Variants in FXN observed in about 807,000 individuals in gnomAD.
FXN encodes frataxin, mitochondrial.
In FXN, 14 loss-of-function variants were observed where a neutral mutation model predicts 22.4. The observed-to-expected ratio is 0.62, with a 90% confidence interval of 0.41 to 0.98. FXN has a LOEUF of 0.98. Ranked by LOEUF, FXN falls within the 50% of genes least tolerant of loss-of-function variation. The pLI, the probability that FXN is intolerant of heterozygous loss-of-function variation, is 0.00. For missense variants in FXN, 267 were observed against 268.4 expected, an observed-to-expected ratio of 0.99 and a Z score of 0.04; for synonymous variants, 120 against 114.1, an observed-to-expected ratio of 1.05 and a Z score of -0.33.
In FXN at chr9:69,073,244, T is replaced by G. The variant is rs7866878; in HGVS notation, c.*482T>G. 227 of 1,032,228 alleles carry G rather than the reference T, an allele frequency of 2.2e-4. No individual in the cohort carries two copies. The highest frequency in any genetic ancestry group is 2.6e-4 in the Non-Finnish European group (221 of 858,662). 63.9% of individuals were successfully genotyped at this position (1,032,228 alleles called of 1,614,324 possible). ...AAATGTTTTCAGGCTTCTTTCAAAG[T>G]GTAAGCACTTCTGAGCTCTTTAGCA... On this transcript the variant is annotated 3_prime_UTR_variant, in exon 5 of 5. Coordinates refer to ENST00000484259, the MANE Select transcript of FXN (RefSeq NM_000144.5).
chr9:69,068,720 C>T (rs1399701323), intron 4 of FXN, among the ~76,000 whole-genome samples: 1 of 152,194 alleles, frequency 6.6e-6, no homozygotes, highest in Admixed American at 6.5e-5. Context: ...AGGTGAGATC[C>T]ACAGAAAGGC....
chr9:69,069,773 G>A (rs771989365), intron 4 of FXN, among the ~76,000 whole-genome samples: 2 of 152,212 alleles, frequency 1.3e-5, no homozygotes, highest in Non-Finnish European at 2.9e-5. Flanking sequence ...AGGCCATAGC[G>A]GGAGTCCACG....
Position 69,046,487 on chromosome 9 carries a change from G to T in FXN, c.263+5G>T, listed in dbSNP as rs1432005501. The T allele has an allele frequency of 6.3e-7, 1 of 1,596,712 alleles. No homozygotes were observed. Among genetic ancestry groups the T allele is most frequent in the Non-Finnish European group, 8.6e-7 (1 of 1,164,512 alleles). On this transcript the variant is annotated splice_donor_5th_base_variant and intron_variant, in intron 2 of 4. Coordinates refer to ENST00000484259, the MANE Select transcript of FXN (RefSeq NM_000144.5). The stretch of plus-strand genomic sequence containing the variant: ...TGGAACTTTGGGCCACCCAGGGTAA[G>T]ATAAAACACCTTCCACGTCATAGGT...
chr9:69,073,564 A>G lies in FXN; in HGVS notation c.*802A>G. 1 of 985,426 alleles carries G rather than the reference A, an allele frequency of 1.0e-6. No homozygotes were observed. Among genetic ancestry groups the G allele is most frequent in the African/African-American group, 1.7e-5 (1 of 57,358 alleles). 61.0% of individuals were successfully genotyped at this position (985,426 alleles called of 1,614,324 possible). A position where few individuals can be genotyped will look rare whatever the true frequency, so the allele number is the denominator to read the frequency against. The stretch of plus-strand genomic sequence containing the variant: ...TCATGGAGCTGAGGAGGTGCCTTGT[A>G]AACATGAAGGGGCAGATAAAGGAAG... On this transcript the variant is annotated 3_prime_UTR_variant, in exon 5 of 5. Transcript: ENST00000484259.
rs4744806 is a variant in FXN at position 69,073,302 on chromosome 9, T to C, written c.*540T>C. ...GTCGAAAGCAACTCACACGGGAAGA[T>C]CATTTCTTATTTGTGCTCTGTGACT... On this transcript the variant is annotated 3_prime_UTR_variant, in exon 5 of 5. Coordinates refer to ENST00000484259, the MANE Select transcript of FXN (RefSeq NM_000144.5). 471,940 of 998,734 alleles carry C rather than the reference T, an allele frequency of 0.47. 112,766 individuals carry two copies. The highest frequency in any genetic ancestry group is 0.65 in the East Asian group (6,192 of 9,554). The allele number at this position is 998,734 out of a possible 1,614,324, so 61.9% of individuals were successfully genotyped here. A position where few individuals can be genotyped will look rare whatever the true frequency, so the allele number is the denominator to read the frequency against.
At position 69,046,411 on chromosome 9, in the gene FXN, G is replaced by A. The variant is rs1257314753; in HGVS notation, c.192G>A (p.Gln64=). The change falls in exon 2 of 5, where the codon CAG becomes CAA. Residue 64 remains glutamine (Q), a synonymous_variant. Transcript: ENST00000484259. ...RASSNQRGLN[Q]IWNVKKQSVY... is the part of the protein sequence containing the mutation. ...GTTCGAACCAACGTGGCCTCAACCA[G>A]ATTTGGAATGTCAAAAAGCAGAGTG... The A allele has an allele frequency of 6.8e-6, 11 of 1,614,026 alleles. No individual in the cohort carries two copies. In the African/African-American group the frequency reaches 1.3e-4, roughly 20 times the overall value.
At position 69,074,949 on chromosome 9, in the gene FXN, A is replaced by G; in HGVS notation, c.*2187A>G. The G allele has an allele frequency of 4.1e-6, 4 of 985,474 alleles. No individual in the cohort carries two copies. Among genetic ancestry groups the G allele is most frequent in the Non-Finnish European group, 4.8e-6 (4 of 829,944 alleles). 61.0% of individuals were successfully genotyped at this position (985,474 alleles called of 1,614,324 possible). ...AAGTTTCAGTGCACCCCACTTACTT[A>G]GAACTCGGTGACATGATGTACTCCT... On this transcript the variant is annotated 3_prime_UTR_variant, in exon 5 of 5. Transcript: ENST00000484259.
intron 1 of FXN, among the ~76,000 whole-genome samples, chr9:69,039,638 G>A (rs1461909065): frequency 1.3e-5 from 2 of 152,152 alleles, no homozygotes; most frequent in African/African-American, 2.4e-5. Context: ...ACAGCTTCGA[G>A]GAGGAGATAA....
In FXN at chr9:69,075,871, A is replaced by T; in HGVS notation, c.*3109A>T. On this transcript the variant is annotated 3_prime_UTR_variant, in exon 5 of 5. Transcript: ENST00000484259. ...AGGTGTGCACCTCCATAGCTGGCTA[A>T]TTTGTGTATTTTTTGTAGAGATGGG... 1.8e-6 allele frequency: 1 copy of T among 556,852 alleles called. No individual in the cohort carries two copies. Among genetic ancestry groups the T allele is most frequent in the Non-Finnish European group, 2.3e-6 (1 of 439,298 alleles). The allele number at this position is 556,852 out of a possible 1,614,324, so 34.5% of individuals were successfully genotyped here.
rs2133145532 is a variant in FXN at position 69,076,480 on chromosome 9, C to A, written c.*3718C>A. The A allele has an allele frequency of 1.0e-6, 1 of 985,330 alleles. No individual in the cohort carries two copies. The highest frequency in any genetic ancestry group is 4.7e-5 in the South Asian group (1 of 21,280). The allele number at this position is 985,330 out of a possible 1,614,324, so 61.0% of individuals were successfully genotyped here. ...TTCCCTGGAACCATTTATCGTGTGCCTTACCATGCTTATATTTTACTTGAT... is the reference window on the plus strand; with the variant it reads ...TTCCCTGGAACCATTTATCGTGTGCATTACCATGCTTATATTTTACTTGAT... On this transcript the variant is annotated 3_prime_UTR_variant, in exon 5 of 5. Coordinates refer to ENST00000484259, the MANE Select transcript of FXN (RefSeq NM_000144.5).
rs367974156 is a variant in FXN, at chr9:69,053,268, T to C, written c.384+8T>C. 3.2e-5 allele frequency: 51 copies of C among 1,613,168 alleles called. No individual in the cohort carries two copies. Among genetic ancestry groups the C allele is most frequent in the Middle Eastern group, 3.3e-4 (2 of 6,066 alleles). On this transcript the variant is annotated splice_region_variant and intron_variant, in intron 3 of 4. Transcript: ENST00000484259. ...TATGATGTCTCCTTTGGGGTACCTC[T>C]TGACTTCTTTTATTTTTCTGTTTCC...
chr9:69,065,540 CAAAA>C (rs34769489), intron 4 of FXN, among the ~76,000 whole-genome samples: 1 of 140,752 alleles, frequency 7.1e-6, no homozygotes, highest in African/African-American at 2.7e-5. Flanking sequence ...GACCCTGTCC[CAAAA>C]AAAAAAAAAA....
At chr9:69,049,675 A>G (rs1433386351) in intron 2 of FXN, among the ~76,000 whole-genome samples, 3 of 152,300 alleles carry the variant, frequency 2.0e-5, no homozygotes, top group South Asian at 2.1e-4. Context: ...AAAACTAACC[A>G]TTTTAAAATG....
intron 4 of FXN, among the ~76,000 whole-genome samples, chr9:69,066,511 T>C (rs1832167784): frequency 6.6e-6 from 1 of 152,124 alleles, no homozygotes; most frequent in Non-Finnish European, 1.5e-5. Flanking sequence ...ACCCAGTTAG[T>C]GTGCTGGAGG....
intron 3 of FXN, among the ~76,000 whole-genome samples, chr9:69,064,209 T>C (rs1298462388): frequency 2.0e-5 from 3 of 152,182 alleles, no homozygotes; most frequent in Admixed American, 2.0e-4. Context: ...CCACAGGCCT[T>C]AGAAGTAAAG....
chr9:69,060,898 G>T (rs1832059898), intron 3 of FXN, among the ~76,000 whole-genome samples: 1 of 152,182 alleles, frequency 6.6e-6, no homozygotes, highest in African/African-American at 2.4e-5. Context: ...TGCTGCTAAG[G>T]TGCTTAAAGT....
chr9:69,060,665 A>G (rs1178695679), intron 3 of FXN, among the ~76,000 whole-genome samples: 1 of 152,156 alleles, frequency 6.6e-6, no homozygotes, highest in Non-Finnish European at 1.5e-5. Flanking sequence ...TCTGTGGGGG[A>G]AAAAATCTAT....
rs1406068190 is a variant in FXN, at chr9:69,075,724, CTT to C, written c.*2969_*2970del. 1 of 983,656 alleles carries C rather than the reference CTT, an allele frequency of 1.0e-6. No homozygotes were observed. The highest frequency in any genetic ancestry group is 1.8e-5 in the African/African-American group (1 of 57,124). 60.9% of individuals were successfully genotyped at this position (983,656 alleles called of 1,614,324 possible). On this transcript the variant is annotated 3_prime_UTR_variant, in exon 5 of 5. Coordinates refer to ENST00000484259, the MANE Select transcript of FXN (RefSeq NM_000144.5). ...AATTGCATAATACAATCTTAGAAAA[CTT>C]TTTTTTCCCCTTTCTATTTTTTGAG...
At chr9:69,046,977 A>G (rs1018678382) in intron 2 of FXN, among the ~76,000 whole-genome samples, 10 of 152,230 alleles carry the variant, frequency 6.6e-5, no homozygotes, top group African/African-American at 2.4e-4. Flanking sequence ...CTAGAAGCAC[A>G]GAAGGGCTGG....
Sources: gnomAD v4.1 joint callset for allele counts (sites outside exome capture counted in the v4.1 genomes callset) on GRCh38, gnomAD v4.1.1 for gene constraint, MANE v1.5 for transcripts, NCBI Gene and HGNC (gene_info 2026-07-23, HGNC 2026-07-21) for gene names.